Variants in MAP1B observed in about 807,000 individuals in gnomAD.
MAP1B encodes the protein microtubule-associated protein 1B.
A neutral mutation model predicts 176.1 loss-of-function variants in MAP1B; 12 were observed. That is an observed-to-expected ratio of 0.07 (90% CI 0.04 to 0.11). The LOEUF (loss-of-function observed/expected upper bound fraction) is 0.11. Among genes scored for constraint, MAP1B ranks in the 10% least tolerant of loss-of-function variants. The pLI is 1.00. For missense variants in MAP1B, 2,523 were observed against 2,990.5 expected (o/e 0.84, Z 3.65); for synonymous variants, 1,044 against 1,135.0 (o/e 0.92, Z 1.61).
chr5:72,152,497 A>C (rs1048789371), intron 2 of MAP1B, among the ~76,000 whole-genome samples: 2 of 152,142 alleles, frequency 1.3e-5, no homozygotes, highest in African/African-American at 4.8e-5. Flanking sequence ...CTCAGGCTGG[A>C]GTGCAGTGGC....
Position 72,200,305 on chromosome 5 carries a change from A to T in MAP1B, c.6950A>T (p.Asp2317Val). 6.2e-7 allele frequency: 1 copy of T among 1,614,256 alleles called. No individual in the cohort carries two copies. Among genetic ancestry groups the T allele is most frequent in the Non-Finnish European group, 8.5e-7 (1 of 1,180,046 alleles). Residue 2317 changes from aspartate to valine, a missense_variant, in exon 5 of 7, where the codon GAC becomes GTC. Around this residue, in one of 4 missense-constraint regions of MAP1B, gnomAD observed 287 missense variants for 401.5 expected, o/e 0.71. Coordinates refer to ENST00000296755, the MANE Select transcript of MAP1B (RefSeq NM_005909.5). ...AAAGCTGCACGTGGGGAAGAGAAAG[A>T]CAAGGAGACCAAGAATGCTGCCAAT... ...EVKAARGEEK[D>V]KETKNAANAS...
intron 2 of MAP1B, chr5:72,169,646 G>A (rs553235834): frequency 1.9e-5 from 3 of 154,420 alleles, no homozygotes; most frequent in Admixed American, 1.3e-4. Flanking sequence ...TGGAAGGCTC[G>A]GATCTAGGCT....
intron 2 of MAP1B, among the ~76,000 whole-genome samples, chr5:72,119,014 G>T (rs1647008537): frequency 6.6e-6 from 1 of 152,138 alleles, no homozygotes; most frequent in Admixed American, 6.5e-5. Flanking sequence ...ATATGGTTTT[G>T]AGATTTGATT....
At chr5:72,167,337 G>A (rs961071761) in intron 2 of MAP1B, among the ~76,000 whole-genome samples, 1 of 152,174 alleles carries the variant, frequency 6.6e-6, no homozygotes, top group Non-Finnish European at 1.5e-5. Flanking sequence ...TAGAAAGTTA[G>A]CAAGTTAAGT....
In MAP1B at chr5:72,208,134, A is replaced by C. The variant is rs1580038280; in HGVS notation, c.*2895A>C. The stretch of plus-strand genomic sequence containing the variant: ...CCAAGAAAACCAATATTCGCATTAC[A>C]GGTTGCTCCTGTCCTTCCAGACACC... On this transcript the variant is annotated 3_prime_UTR_variant, in exon 7 of 7. Coordinates refer to ENST00000296755, the MANE Select transcript of MAP1B (RefSeq NM_005909.5). 1 of 152,116 alleles carries C rather than the reference A, an allele frequency of 6.6e-6. No individual in the cohort carries two copies. The highest frequency in any genetic ancestry group is 2.4e-5 in the African/African-American group (1 of 41,402). 9.4% of individuals were successfully genotyped at this position (152,116 alleles called of 1,614,324 possible).
At chr5:72,119,824 T>C (rs758988375) in intron 2 of MAP1B, among the ~76,000 whole-genome samples, 10 of 152,202 alleles carry the variant, frequency 6.6e-5, no homozygotes, top group Non-Finnish European at 1.3e-4. Context: ...CAGTCTTATA[T>C]TTCTTTAAAG....
chr5:72,120,885 C>T (rs756211786), intron 2 of MAP1B, among the ~76,000 whole-genome samples: 7 of 152,088 alleles, frequency 4.6e-5, no homozygotes, highest in Non-Finnish European at 1.0e-4. Flanking sequence ...TGGGAAATAC[C>T]GGGTATTGAT....
chr5:72,180,938 CAGA>C (rs1444915810), intron 2 of MAP1B, among the ~76,000 whole-genome samples: 2 of 152,176 alleles, frequency 1.3e-5, no homozygotes, highest in East Asian at 1.9e-4. Context: ...GGCAGTGAAG[CAGA>C]AGGACTCTAG....
intron 2 of MAP1B, among the ~76,000 whole-genome samples, chr5:72,121,871 A>G (rs1195077079): frequency 2.0e-5 from 3 of 152,202 alleles, no homozygotes; most frequent in Non-Finnish European, 4.4e-5. Flanking sequence ...GCACACAAAT[A>G]TATGTTCTAG....
chr5:72,111,078 C>T (rs768771555), intron 1 of MAP1B, among the ~76,000 whole-genome samples: 1 of 152,092 alleles, frequency 6.6e-6, no homozygotes, highest in Non-Finnish European at 1.5e-5. Flanking sequence ...TTCGCTACCA[C>T]CAACTACTAC....
At chr5:72,191,142 G>A (rs1210242756) in intron 4 of MAP1B, among the ~76,000 whole-genome samples, 2 of 152,184 alleles carry the variant, frequency 1.3e-5, no homozygotes, top group Non-Finnish European at 2.9e-5. Context: ...GCCAAGTTTG[G>A]CACACAGATC....
intron 2 of MAP1B, among the ~76,000 whole-genome samples, chr5:72,140,102 A>G (rs1385554907): frequency 6.6e-6 from 1 of 152,118 alleles, no homozygotes; most frequent in Non-Finnish European, 1.5e-5. Flanking sequence ...AGCTAGGACT[A>G]CAGGTGCATG....
intron 1 of MAP1B, among the ~76,000 whole-genome samples, chr5:72,110,635 G>C (rs1745314504): frequency 6.6e-6 from 1 of 152,208 alleles, no homozygotes; most frequent in Non-Finnish European, 1.5e-5. Flanking sequence ...AAGCAAGATG[G>C]AGCTGCTCCA....
rs1156555263 is a variant in MAP1B at position 72,200,205 on chromosome 5, G to C, written c.6850G>C (p.Val2284Leu). The change falls in exon 5 of 7, where the codon GTG becomes CTG. Residue 2284 changes from valine (V) to leucine (L), a missense_variant. Around this residue, in one of 4 missense-constraint regions of MAP1B, gnomAD observed 287 missense variants for 401.5 expected, o/e 0.71. Transcript: ENST00000296755. ...PAGLKESSDK[V>L]SRVASPKKKE... The stretch of plus-strand genomic sequence containing the variant: ...GGGCTTGAAAGAATCCTCGGATAAA[G>C]TGTCCAGGGTGGCTTCTCCTAAGAA... 6.2e-7 allele frequency: 1 copy of C among 1,614,106 alleles called. No homozygotes were observed. Among genetic ancestry groups the C allele is most frequent in the Non-Finnish European group, 8.5e-7 (1 of 1,180,042 alleles).
chr5:72,140,541 C>T (rs946502308), intron 2 of MAP1B, among the ~76,000 whole-genome samples: 1 of 152,134 alleles, frequency 6.6e-6, no homozygotes, highest in African/African-American at 2.4e-5. Flanking sequence ...CATGTCCTGA[C>T]AACTATTAAG....
At chr5:72,166,492 C>T (rs992924235) in intron 2 of MAP1B, among the ~76,000 whole-genome samples, 1 of 152,188 alleles carries the variant, frequency 6.6e-6, no homozygotes, top group Non-Finnish European at 1.5e-5. Context: ...CCACTGATAA[C>T]AGCAGTGTTC....
intron 2 of MAP1B, among the ~76,000 whole-genome samples, chr5:72,137,272 C>G (rs1029616133): frequency 1.3e-5 from 2 of 152,170 alleles, no homozygotes; most frequent in Non-Finnish European, 2.9e-5. Context: ...GGCCCTATTG[C>G]TATAGTCAAT....
chr5:72,161,950 C>A (rs1361668551), intron 2 of MAP1B, among the ~76,000 whole-genome samples: 1 of 92,024 alleles, frequency 1.1e-5, no homozygotes, highest in Admixed American at 1.3e-4. Context: ...AAGCGAAATT[C>A]CGTCTCAAAA....
chr5:72,161,654 G>A (rs1052119765), intron 2 of MAP1B, among the ~76,000 whole-genome samples: 8 of 151,948 alleles, frequency 5.3e-5, no homozygotes, highest in African/African-American at 1.9e-4. Context: ...GAAAACATAG[G>A]TGTTGAAAAA....
Sources: gnomAD v4.1 joint callset for allele counts (sites outside exome capture counted in the v4.1 genomes callset) on GRCh38, gnomAD v4.1.1 for gene constraint, gnomAD v4.1.1 regional missense constraint, MANE v1.5 for transcripts, NCBI Gene and HGNC (gene_info 2026-07-23, HGNC 2026-07-21) for gene names.